The following INSC variants were observed in gnomAD, a reference collection of about 807,000 sequenced individuals.
The protein encoded by INSC is protein inscuteable homolog.
A neutral mutation model predicts 58.6 loss-of-function variants in INSC; 67 were observed. The ratio of observed to expected loss-of-function variants is 1.14; its 90% CI spans 0.94 to 1.40. INSC has a LOEUF of 1.40. INSC is among the 40% of genes most tolerant of loss of function. INSC has a pLI of 0.00. For missense variants in INSC, 714 were observed against 692.0 expected (o/e 1.03, Z -0.36); for synonymous variants, 262 against 276.1 (o/e 0.95, Z 0.51).
intron 2 of INSC, among the ~76,000 whole-genome samples, chr11:15,174,305 T>C (rs951643941): frequency 1.3e-5 from 2 of 152,230 alleles, no homozygotes; most frequent in Admixed American, 6.5e-5. Flanking sequence ...GATCCTCTTA[T>C]TTTAAATTGT....
chr11:15,241,624 T>C, intron 12 of INSC: 1 of 702,998 alleles, frequency 1.4e-6, no homozygotes, highest in African/African-American at 1.7e-5. Flanking sequence ...CCTGCTGTGG[T>C]TTTTATTTTG....
chr11:15,256,618 T>A, the INSC span, among the ~76,000 whole-genome samples: 3 of 152,228 alleles, frequency 2.0e-5, no homozygotes, highest in East Asian at 5.8e-4. Flanking sequence ...GCCTACCAAG[T>A]AGCTGGGATT....
the INSC span, among the ~76,000 whole-genome samples, chr11:15,269,436 C>G: frequency 6.6e-6 from 1 of 152,018 alleles, no homozygotes; most frequent in Non-Finnish European, 1.5e-5. Context: ...ATGCTTTCAA[C>G]TTCGCCATTT....
At chr11:15,166,620 T>C (rs1849205161) in intron 2 of INSC, among the ~76,000 whole-genome samples, 1 of 152,166 alleles carries the variant, frequency 6.6e-6, no homozygotes, top group South Asian at 2.1e-4. Context: ...TCCTTGCAAG[T>C]TTGGAAAATA....
chr11:15,238,873 G>C, intron 10 of INSC, 46 bp from the exon 11 acceptor site: 2 of 1,585,984 alleles, frequency 1.3e-6, no homozygotes, highest in East Asian at 2.2e-5. Flanking sequence ...CATGGGGAAG[G>C]CTCCATGCTG....
chr11:15,203,394 C>T (rs1193531042), intron 7 of INSC, among the ~76,000 whole-genome samples: 2 of 152,214 alleles, frequency 1.3e-5, no homozygotes, highest in East Asian at 3.8e-4. Flanking sequence ...AATATTTCCT[C>T]TGTGCCAGGC....
intron 1 of INSC, among the ~76,000 whole-genome samples, chr11:15,127,801 A>C (rs1326583674): frequency 6.6e-6 from 1 of 152,104 alleles, no homozygotes; most frequent in East Asian, 1.9e-4. Context: ...AGAGAACTTG[A>C]GTTCACAACA....
chr11:15,267,473 C>A, the INSC span, among the ~76,000 whole-genome samples: 1 of 151,740 alleles, frequency 6.6e-6, no homozygotes, highest in Admixed American at 6.6e-5. Flanking sequence ...ATTTATATTG[C>A]TATGTCTTCA....
chr11:15,207,418 G>A (rs1288704300), intron 7 of INSC, among the ~76,000 whole-genome samples: 2 of 152,164 alleles, frequency 1.3e-5, no homozygotes, highest in Non-Finnish European at 2.9e-5. Flanking sequence ...GGGGAGGACG[G>A]CTCAATTTCA....
In INSC at chr11:15,149,109, C is replaced by G. The variant is rs531301089; in HGVS notation, c.-45-21C>G. ...CTCCTCTTTTAGGATCTCGTTGTGC[C>G]ATCCTGCCCTCTATTTTCAGGGTCA... On this transcript the variant is annotated intron_variant, in intron 1 of 12. Coordinates refer to ENST00000379556, the MANE Select transcript of INSC (RefSeq NM_001042536.3). 1.1e-3 allele frequency: 1,713 copies of G among 1,567,788 alleles called. 2 individuals carry two copies. Among genetic ancestry groups the G allele is most frequent in the Admixed American group, 3.4e-3 (181 of 53,178 alleles).
intron 7 of INSC, among the ~76,000 whole-genome samples, chr11:15,213,235 G>A (rs1851095698): frequency 6.6e-6 from 1 of 151,964 alleles, no homozygotes; most frequent in African/African-American, 2.4e-5. Context: ...ACTCCAACCT[G>A]GGCGACAGAG....
intron 2 of INSC, among the ~76,000 whole-genome samples, chr11:15,164,634 A>G (rs534206651): frequency 1.3e-5 from 2 of 152,312 alleles, no homozygotes; most frequent in South Asian, 4.2e-4. Context: ...TTTCCAGTAA[A>G]TACCCAGAGG....
At chr11:15,256,785 GC>G in the INSC span, among the ~76,000 whole-genome samples, 1 of 152,100 alleles carries the variant, frequency 6.6e-6, no homozygotes, top group African/African-American at 2.4e-5. Flanking sequence ...ACTGCACCTG[GC>G]CTGCAAGGTT....
intron 7 of INSC, among the ~76,000 whole-genome samples, chr11:15,201,960 T>C (rs1850610490): frequency 1.3e-5 from 2 of 152,188 alleles, no homozygotes; most frequent in South Asian, 2.1e-4. Context: ...CCTAGACAAA[T>C]GGTCATCTTA....
intron 9 of INSC, among the ~76,000 whole-genome samples, chr11:15,233,315 C>G (rs796761469): frequency 3.9e-5 from 6 of 152,326 alleles, no homozygotes; most frequent in African/African-American, 1.4e-4. Flanking sequence ...CTCCTGCACT[C>G]TGCCCCCTGA....
intron 6 of INSC, among the ~76,000 whole-genome samples, chr11:15,194,603 T>G (rs140568384): frequency 7.8e-4 from 119 of 152,354 alleles, no homozygotes; most frequent in African/African-American, 2.6e-3. Context: ...ATAGCTAACA[T>G]TTGAGTGTTG....
the INSC span, among the ~76,000 whole-genome samples, chr11:15,259,402 T>C: frequency 6.6e-6 from 1 of 152,164 alleles, no homozygotes; most frequent in Non-Finnish European, 1.5e-5. Context: ...AGCTATTCTA[T>C]AGATAATAAT....
the INSC span, among the ~76,000 whole-genome samples, chr11:15,265,923 A>G: frequency 1.5e-4 from 23 of 151,132 alleles, no homozygotes; most frequent in African/African-American, 9.7e-5. Context: ...ACTTAAAAGT[A>G]CATGAAATCC....
intron 5 of INSC, among the ~76,000 whole-genome samples, chr11:15,189,873 G>A (rs1850101342): frequency 6.6e-6 from 1 of 152,228 alleles, no homozygotes; most frequent in Non-Finnish European, 1.5e-5. Context: ...AATGGCTGAT[G>A]ATGAAGTGGT....
Sources: gnomAD v4.1 joint callset for allele counts (sites outside exome capture counted in the v4.1 genomes callset) on GRCh38, gnomAD v4.1.1 for gene constraint, MANE v1.5 for transcripts, NCBI Gene and HGNC (gene_info 2026-07-23, HGNC 2026-07-21) for gene names.